DHX16: variants seen among roughly 807,000 people sequenced by gnomAD.
DHX16 encodes the protein pre-mRNA-splicing factor ATP-dependent RNA helicase DHX16.
A neutral mutation model predicts 131.2 loss-of-function variants in DHX16; 81 were observed. The observed-to-expected ratio is 0.62, with a 90% CI of 0.52 to 0.74. The LOEUF is 0.74. Ranked by LOEUF, DHX16 falls within the 30% of genes least tolerant of loss-of-function variation. The pLI, the probability that DHX16 is intolerant of heterozygous loss-of-function variation, is 0.00. For missense variants in DHX16, 980 were observed against 1,363.1 expected (o/e 0.72, Z 4.43); for synonymous variants, 440 against 520.2 (o/e 0.85, Z 2.10).
chr6:30,664,972 A>G lies in DHX16; in HGVS notation c.1146T>C (p.Thr382=). The G allele has an allele frequency of 6.2e-7, 1 of 1,613,986 alleles. No individual in the cohort carries two copies. The highest frequency in any genetic ancestry group is 1.7e-4 in the Middle Eastern group (1 of 6,060). ...QGDEEPSAPP[T]STQAQQKESI... is the part of the protein sequence containing the mutation. ...ACTCTTTCTGCTGGGCCTGAGTTGA[A>G]GTGGGTGGAGCTGACGGCTCCTAAG... is the stretch of plus-strand genomic sequence containing the variant. The change falls in exon 7 of 20, where the codon ACT becomes ACC. Residue 382 remains threonine (T), a synonymous_variant. Coordinates refer to ENST00000376442, the MANE Select transcript of DHX16 (RefSeq NM_003587.5).
Position 30,662,893 on chromosome 6 carries a change from G to A in DHX16, c.1428+18C>T, listed in dbSNP as rs2127586993. 6.2e-7 allele frequency: 1 copy of A among 1,609,540 alleles called. No individual in the cohort carries two copies. The highest frequency in any genetic ancestry group is 1.1e-5 in the South Asian group (1 of 91,012). On this transcript the variant is annotated intron_variant, in intron 8 of 19. Coordinates refer to ENST00000376442, the MANE Select transcript of DHX16 (RefSeq NM_003587.5). The surrounding 1 kb of genome is among the most constrained non-coding windows in gnomAD (Gnocchi z 4.7). ...CACAGACCCCAGACTCTACCCCCCG[G>A]TTCCCTAGAAATCTCACCTCATTCC... is the stretch of plus-strand genomic sequence containing the variant.
chr6:30,658,006 A>T (rs1768138396), intron 12 of DHX16, among the ~76,000 whole-genome samples: 1 of 152,238 alleles, frequency 6.6e-6, no homozygotes, highest in South Asian at 2.1e-4. Flanking sequence ...TCATCACTGT[A>T]TCATCAACCC....
intron 7 of DHX16, 31 bp from the exon 8 acceptor site, chr6:30,663,052 C>T (rs1300508440): frequency 6.4e-7 from 1 of 1,562,588 alleles, no homozygotes; most frequent in South Asian, 1.2e-5. Flanking sequence ...AAGAAGTTTG[C>T]CCTTTACTAA....
intron 10 of DHX16, 81 bp from the exon 11 acceptor site, chr6:30,659,915 C>G (rs757955730): frequency 6.4e-7 from 1 of 1,558,494 alleles, no homozygotes; most frequent in Non-Finnish European, 8.8e-7. Context: ...TCAACATACA[C>G]TTTATCCTAG....
In DHX16 at chr6:30,670,709, T is replaced by TCTCTG; in HGVS notation, c.609+80_609+81insCAGAG. 6.4e-7 allele frequency: 1 copy of TCTCTG among 1,571,716 alleles called. No individual in the cohort carries two copies. The highest frequency in any genetic ancestry group is 8.7e-7 in the Non-Finnish European group (1 of 1,152,316). ...AGACAGCCCCTTGTCTTCCCAGAGA[T>TCTCTG]CACTATCTCTGCACTCACAGCCAAC... On this transcript the variant is annotated intron_variant, in intron 3 of 19. Transcript: ENST00000376442. The surrounding 1 kb of genome is among the most constrained non-coding windows in gnomAD (Gnocchi z 4.4).
intron 4 of DHX16, among the ~76,000 whole-genome samples, chr6:30,666,255 G>C (rs1769035081): frequency 6.6e-6 from 1 of 152,196 alleles, no homozygotes; most frequent in Non-Finnish European, 1.5e-5. Context: ...ATTATAAAAA[G>C]TTAGGACTAC....
chr6:30,668,819 G>A (rs936581921), intron 4 of DHX16, among the ~76,000 whole-genome samples: 8 of 152,046 alleles, frequency 5.3e-5, no homozygotes. Context: ...AACTCCAAAA[G>A]TTGGCCGGGC....
Position 30,656,585 on chromosome 6 carries a change from T to C in DHX16, c.2311+12A>G. 2 of 1,614,128 alleles carry C rather than the reference T, an allele frequency of 1.2e-6. No individual in the cohort carries two copies. The highest frequency in any genetic ancestry group is 1.7e-6 in the Non-Finnish European group (2 of 1,180,032). ...TCCAGCCCCTCCCTCCTCTCTCAGG[T>C]AGCCCAATCACCTAAGCTCTTGAGC... On this transcript the variant is annotated intron_variant, in intron 14 of 19. Transcript: ENST00000376442. The surrounding 1 kb of genome is among the most constrained non-coding windows in gnomAD (Gnocchi z 5.1).
At chr6:30,663,116 C>A in intron 7 of DHX16, 95 bp from the exon 8 acceptor site, 3 of 1,038,962 alleles carry the variant, frequency 2.9e-6, no homozygotes, top group South Asian at 1.6e-5. Context: ...AAAAACCAGG[C>A]AGGAGAAAAG....
Position 30,656,206 on chromosome 6 carries a change from G to A in DHX16, c.2490C>T (p.Ala830=), listed in dbSNP as rs1377587215. 1 of 1,613,092 alleles carries A rather than the reference G, an allele frequency of 6.2e-7. No homozygotes were observed. The highest frequency in any genetic ancestry group is 1.1e-5 in the South Asian group (1 of 91,082). The change falls in exon 16 of 20, where the codon GCC becomes GCT. Residue 830 remains alanine, a synonymous_variant. Transcript: ENST00000376442. This position sits in a 1 kb window ranked among gnomAD's most constrained non-coding sequence, Gnocchi z 5.1. ...TGGAGGCGAGGGCTTACTTCTCAGA[G>A]GCTAAGATCATTTTGGACAGCATGG... The part of the protein sequence containing the change: ...VDPMLSKMIL[A]SEKYSCSEEI...
intron 18 of DHX16, 75 bp downstream of exon 18, chr6:30,655,100 G>A (rs1023596912): frequency 1.9e-6 from 3 of 1,578,696 alleles, no homozygotes; most frequent in Admixed American, 1.7e-5. Flanking sequence ...TGGAGGAAAT[G>A]CTGCATGCCC....
chr6:30,659,027 T>C (rs959374367), intron 12 of DHX16, among the ~76,000 whole-genome samples: 1 of 152,068 alleles, frequency 6.6e-6, no homozygotes, highest in Non-Finnish European at 1.5e-5. Context: ...GGTGGGATTA[T>C]AGGCGCACGC....
intron 7 of DHX16, 147 bp downstream of exon 7, chr6:30,664,654 G>GGTAT: frequency 8.5e-6 from 6 of 706,870 alleles, no homozygotes; most frequent in Non-Finnish European, 1.4e-5. Context: ...ATGTGAAAAG[G>GGTAT]GTATGGTCTT....
At chr6:30,669,109 AAAAT>A (rs931808106) in intron 4 of DHX16, among the ~76,000 whole-genome samples, 43 of 151,862 alleles carry the variant, frequency 2.8e-4, no homozygotes, top group African/African-American at 9.2e-4. Context: ...CTGTTTCAAA[AAAAT>A]AAATAAATGA....
chr6:30,665,193 C>A lies in DHX16; in HGVS notation c.1003G>T (p.Gly335Trp), dbSNP rs1217022003. 7 of 1,610,288 alleles carry A rather than the reference C, an allele frequency of 4.3e-6. No individual in the cohort carries two copies. The highest frequency in any genetic ancestry group is 5.9e-6 in the Non-Finnish European group (7 of 1,179,828). Residue 335 changes from glycine (G) to tryptophan (W), a missense_variant, in exon 6 of 20, where the codon GGG becomes TGG. Coordinates refer to ENST00000376442, the MANE Select transcript of DHX16 (RefSeq NM_003587.5). This position sits in a 1 kb window ranked among gnomAD's most constrained non-coding sequence, Gnocchi z 4.8. ...GCCCCAAACTTCAGGGACGCTGCCC[C>A]AAGCCGCGCCTCCTCCCAGCGCCGC... is the stretch of plus-strand genomic sequence containing the variant. ...EQRRWEEARL[G>W]AASLKFGARD...
intron 4 of DHX16, among the ~76,000 whole-genome samples, chr6:30,668,135 C>CT (rs1769209124): frequency 6.6e-6 from 1 of 152,204 alleles, no homozygotes; most frequent in African/African-American, 2.4e-5. Context: ...AGGACAATAT[C>CT]TTTATCCTTA....
Position 30,665,034 on chromosome 6 carries a change from G to A in DHX16, c.1125+37C>T, listed in dbSNP as rs372254519. Reference sequence around the variant, plus strand: ...AGGTGTGAGCTAAATAGCTCGCTACGGGTCTTCCTCAGAAAGTCTCCCAGC... The same window carrying A: ...AGGTGTGAGCTAAATAGCTCGCTACAGGTCTTCCTCAGAAAGTCTCCCAGC... On this transcript the variant is annotated intron_variant, in intron 6 of 19. Transcript: ENST00000376442. The surrounding 1 kb of genome is among the most constrained non-coding windows in gnomAD (Gnocchi z 4.8). 5 of 1,613,566 alleles carry A rather than the reference G, an allele frequency of 3.1e-6. No individual in the cohort carries two copies. Among genetic ancestry groups the A allele is most frequent in the South Asian group, 1.1e-5 (1 of 91,044 alleles).
At chr6:30,672,077 TGA>T (rs889490131) in intron 1 of DHX16, among the ~76,000 whole-genome samples, 6 of 151,680 alleles carry the variant, frequency 4.0e-5, no homozygotes, top group African/African-American at 1.5e-4. Flanking sequence ...CTGAGGGGGC[TGA>T]GAGAGGATTG....
intron 19 of DHX16, among the ~76,000 whole-genome samples, 173 bp downstream of exon 19, chr6:30,654,533 G>C (rs1767772426): frequency 6.6e-6 from 1 of 152,170 alleles, no homozygotes; most frequent in South Asian, 2.1e-4. Context: ...CTGGACAACA[G>C]AGTGAGACTC....
Sources: gnomAD v4.1 joint callset for allele counts (sites outside exome capture counted in the v4.1 genomes callset) on GRCh38, gnomAD v4.1.1 for gene constraint, Gnocchi (gnomAD v3.1) non-coding constraint, MANE v1.5 for transcripts, NCBI Gene and HGNC (gene_info 2026-07-23, HGNC 2026-07-21) for gene names.